PTGR1: variants seen among roughly 807,000 people sequenced by gnomAD.
PTGR1 encodes prostaglandin reductase 1.
A neutral mutation model predicts 37.7 loss-of-function variants in PTGR1; 23 were observed. The ratio of observed to expected loss-of-function variants is 0.61; its 90% CI spans 0.44 to 0.86. The LOEUF (loss-of-function observed/expected upper bound fraction) is 0.86, where lower values mean the gene tolerates loss of function less well. PTGR1 is among the 40% of genes least tolerant of loss of function. The probability of loss-of-function intolerance (pLI) is 0.00; values close to 1 mark genes in which losing one functional copy is unlikely to be tolerated. For synonymous variants in PTGR1, 134 were observed against 140.0 expected, an observed-to-expected ratio of 0.96 and a Z score of 0.30; for missense variants, 351 against 394.3, an observed-to-expected ratio of 0.89 and a Z score of 0.93.
intron 5 of PTGR1, among the ~76,000 whole-genome samples, 182 bp from the exon 6 acceptor site, chr9:111,583,771 G>C (rs1296131045): frequency 1.3e-5 from 2 of 152,174 alleles, no homozygotes; most frequent in African/African-American, 2.4e-5. Context: ...CTGTCAGATA[G>C]GAATAAAGGT....
chr9:111,598,036 TAG>T, intron 1 of PTGR1, among the ~76,000 whole-genome samples: 1 of 151,958 alleles, frequency 6.6e-6, no homozygotes, highest in East Asian at 1.9e-4. Flanking sequence ...TCTTTTCTTG[TAG>T]AGAGGAGCCT....
At chr9:111,595,326 C>T (rs899573911) in intron 2 of PTGR1, among the ~76,000 whole-genome samples, 2 of 152,168 alleles carry the variant, frequency 1.3e-5, no homozygotes, top group Non-Finnish European at 2.9e-5. Context: ...ATGCTTTACA[C>T]GAATTATGTC....
intron 5 of PTGR1, among the ~76,000 whole-genome samples, chr9:111,584,963 C>G (rs550433885): frequency 1.3e-5 from 2 of 152,106 alleles, no homozygotes; most frequent in South Asian, 4.1e-4. Context: ...TTTTGCAGAC[C>G]TGAATCTCAG....
chr9:111,557,785 G>C (rs1156248372), downstream of PTGR1, among the ~76,000 whole-genome samples: 4 of 152,158 alleles, frequency 2.6e-5, no homozygotes, highest in African/African-American at 9.7e-5. Flanking sequence ...GTGGTGGTAG[G>C]CTTCTTCACT....
At chr9:111,552,057 T>C (rs1339118227) in intron 9 of PTGR1, among the ~76,000 whole-genome samples, 2 of 152,372 alleles carry the variant, frequency 1.3e-5, no homozygotes, top group East Asian at 3.9e-4. Context: ...TCACAAGTTT[T>C]TCCCATTTTA....
intron 9 of PTGR1, among the ~76,000 whole-genome samples, chr9:111,555,419 G>A (rs189766880): frequency 6.6e-6 from 1 of 152,210 alleles, no homozygotes; most frequent in East Asian, 1.9e-4. Flanking sequence ...TACCCCATCA[G>A]AAGGCCGTTG....
chr9:111,582,229 G>A (rs1829303534), intron 6 of PTGR1, among the ~76,000 whole-genome samples: 1 of 152,094 alleles, frequency 6.6e-6, no homozygotes, highest in Non-Finnish European at 1.5e-5. Flanking sequence ...TCAGATGGGT[G>A]AAAAATGCAA....
intron 8 of PTGR1, among the ~76,000 whole-genome samples, chr9:111,573,246 T>C (rs898465442): frequency 2.6e-5 from 4 of 152,208 alleles, no homozygotes; most frequent in African/African-American, 7.2e-5. Flanking sequence ...CAATTTCCCA[T>C]GATTCCAGCT....
At chr9:111,576,305 C>G in intron 7 of PTGR1, 1 of 1,591,460 alleles carries the variant, frequency 6.3e-7, no homozygotes, top group Non-Finnish European at 8.6e-7. Flanking sequence ...AAACTACTTG[C>G]TAAAATTTTA....
chr9:111,578,750 T>A (rs776150353), intron 7 of PTGR1, 46 bp downstream of exon 7: 1 of 1,532,838 alleles, frequency 6.5e-7, no homozygotes, highest in African/African-American at 1.4e-5. Flanking sequence ...CTGCTTTATA[T>A]AGTACTTCCA....
intron 4 of PTGR1, 44 bp from the exon 5 acceptor site, chr9:111,586,209 C>A (rs779754705): frequency 3.8e-5 from 60 of 1,587,912 alleles, no homozygotes; most frequent in Non-Finnish European, 5.1e-5. Flanking sequence ...TGTGACATGT[C>A]TTCCCTTTCA....
chr9:111,581,949 T>C (rs1480692324), intron 6 of PTGR1, among the ~76,000 whole-genome samples: 1 of 152,148 alleles, frequency 6.6e-6, no homozygotes, highest in Non-Finnish European at 1.5e-5. Context: ...TACATGTATA[T>C]GTTTATTCTG....
At chr9:111,592,193 C>T (rs545178858) in intron 4 of PTGR1, 29 of 152,364 alleles carry the variant, frequency 1.9e-4, no homozygotes, top group Non-Finnish European at 4.0e-4. Flanking sequence ...GATTGTCTAG[C>T]TTCACCTCCT....
chr9:111,586,212 C>T (rs775152032), intron 4 of PTGR1, 47 bp from the exon 5 acceptor site: 5 of 1,573,030 alleles, frequency 3.2e-6, no homozygotes, highest in Non-Finnish European at 4.4e-6. Context: ...GACATGTCTT[C>T]CCTTTCAAGG....
At chr9:111,574,008 C>T (rs1828947680) in intron 8 of PTGR1, among the ~76,000 whole-genome samples, 2 of 152,202 alleles carry the variant, frequency 1.3e-5, no homozygotes, top group African/African-American at 4.8e-5. Flanking sequence ...CGCCCTACTG[C>T]TCCAAGAAGC....
At chr9:111,578,369 C>T (rs1829152385) in intron 7 of PTGR1, among the ~76,000 whole-genome samples, 1 of 150,738 alleles carries the variant, frequency 6.6e-6, no homozygotes, top group Non-Finnish European at 1.5e-5. Flanking sequence ...ATACAACTCA[C>T]CATAACCATA....
rs555349024 is a variant in PTGR1 at position 111,586,074 on chromosome 9, C to G, written c.301G>C (p.Asp101His). 2.5e-6 allele frequency: 4 copies of G among 1,614,124 alleles called. No individual in the cohort carries two copies. In the South Asian group the frequency reaches 4.4e-5, roughly 18 times the overall value. ...CACTCTGTCAGCAGCTTTTCCAGAT[C>G]TTTCCCATCAGAAATGGAGTGCGTT... ...WTTHSISDGK[D>H]LEKLLTEWPD... Residue 101 changes from aspartate (D) to histidine (H), a missense_variant, in exon 5 of 10, where the codon GAT (aspartate) becomes CAT (histidine). By Grantham distance (81) the Asp-to-His change is moderately conservative. Coordinates refer to ENST00000407693, the MANE Select transcript of PTGR1 (RefSeq NM_001146108.2).
intron 8 of PTGR1, among the ~76,000 whole-genome samples, chr9:111,572,815 A>C (rs1828887142): frequency 6.6e-6 from 1 of 151,864 alleles, no homozygotes; most frequent in South Asian, 2.1e-4. Context: ...CAGTCTGGGA[A>C]ACAGAGCAAG....
chr9:111,597,963 G>C (rs1829832621), intron 1 of PTGR1, among the ~76,000 whole-genome samples: 1 of 151,580 alleles, frequency 6.6e-6, no homozygotes, highest in Non-Finnish European at 1.5e-5. Context: ...ACCACCGGAG[G>C]GCGCCGCTGC....
Sources: allele counts gnomAD v4.1 joint callset (sites outside exome capture counted in the v4.1 genomes callset), GRCh38; gene constraint gnomAD v4.1.1; transcripts MANE v1.5; gene names NCBI Gene and HGNC (gene_info 2026-07-23, HGNC 2026-07-21).